The following SEC14L2 variants were observed in gnomAD, a reference collection of about 807,000 sequenced individuals.
SEC14L2 encodes SEC14-like protein 2.
In SEC14L2, 50 loss-of-function variants were observed where a neutral mutation model predicts 56.9. The observed-to-expected ratio is 0.88, with a 90% confidence interval of 0.70 to 1.11. The LOEUF (loss-of-function observed/expected upper bound fraction) is 1.11. SEC14L2 is among the 50% of genes most tolerant of loss of function. The probability of loss-of-function intolerance (pLI) is 0.00; values close to 1 mark genes in which losing one functional copy is unlikely to be tolerated. For missense variants in SEC14L2, 414 were observed against 500.7 expected (o/e 0.83, Z 1.65); for synonymous variants, 179 against 188.5 (o/e 0.95, Z 0.41).
rs1243220787 is a variant in SEC14L2 at position 30,409,270 on chromosome 22, G to A, written c.507G>A (p.Glu169=). Residue 169 remains glutamate, a synonymous_variant, in exon 6 of 12, where the codon GAG becomes GAA. Transcript: ENST00000615189. ...AGCATCTCTGGAAGCCTGCTGTGGAGGCCTATGGAGAGGTGAGGGGCAGGG... is the reference window on the plus strand; with the variant it reads ...AGCATCTCTGGAAGCCTGCTGTGGAAGCCTATGGAGAGGTGAGGGGCAGGG... ...GLKHLWKPAV[E]AYGEFLCMFE... 1 of 1,613,692 alleles carries A rather than the reference G, an allele frequency of 6.2e-7. No individual in the cohort carries two copies. Among genetic ancestry groups the A allele is most frequent in the East Asian group, 2.2e-5 (1 of 44,886 alleles).
chr22:30,410,574 C>T, intron 7 of SEC14L2, 22 bp from the exon 8 acceptor site: 2 of 1,610,628 alleles, frequency 1.2e-6, no homozygotes, highest in South Asian at 2.2e-5. Flanking sequence ...CCCAGCCTCA[C>T]ATTATCTGGT....
chr22:30,409,107 T>C (rs768913210), intron 5 of SEC14L2, 80 bp from the exon 6 acceptor site: 1 of 1,201,068 alleles, frequency 8.3e-7, no homozygotes, highest in Non-Finnish European at 1.2e-6. Flanking sequence ...GGATGCACAG[T>C]GCAATCATTT....
Position 30,410,564 on chromosome 22 carries a change from C to T in SEC14L2, c.581-32C>T, listed in dbSNP as rs760591919. 3 of 1,603,036 alleles carry T rather than the reference C, an allele frequency of 1.9e-6. No homozygotes were observed. The Admixed American group carries it at 5.0e-5, about 27-fold the overall frequency. On this transcript the variant is annotated intron_variant, in intron 7 of 11. Transcript: ENST00000615189. ...TGTTAGGGACAGACTGGGCACTGCT[C>T]CCAGCCTCACATTATCTGGTCTCTG...
chr22:30,410,925 C>T (rs1934230609), intron 8 of SEC14L2, among the ~76,000 whole-genome samples: 1 of 152,172 alleles, frequency 6.6e-6, no homozygotes, highest in Non-Finnish European at 1.5e-5. Flanking sequence ...AATGAGACTC[C>T]AGTCCTTGCC....
chr22:30,398,976 C>T (rs1030226112), intron 1 of SEC14L2, among the ~76,000 whole-genome samples: 1 of 152,180 alleles, frequency 6.6e-6, no homozygotes, highest in African/African-American at 2.4e-5. Flanking sequence ...CAGCGCTGAG[C>T]GACAGGAAAT....
intron 1 of SEC14L2, chr22:30,397,853 T>G (rs1409735284): frequency 4.2e-6 from 2 of 471,010 alleles, no homozygotes; most frequent in Non-Finnish European, 4.4e-6. Context: ...AGGTTTATGC[T>G]CCTCAGAAGG....
chr22:30,411,689 G>A (rs974578917), intron 8 of SEC14L2, among the ~76,000 whole-genome samples: 10 of 123,590 alleles, frequency 8.1e-5, no homozygotes, highest in African/African-American at 2.8e-4. Flanking sequence ...GAAGGTTGCA[G>A]TGAGCCGAGA....
At chr22:30,419,277 C>A (rs1026085474) in intron 11 of SEC14L2, among the ~76,000 whole-genome samples, 1 of 152,126 alleles carries the variant, frequency 6.6e-6, no homozygotes, top group East Asian at 1.9e-4. Flanking sequence ...GATGGCCGGG[C>A]GTGGTGGCTC....
At chr22:30,413,814 T>C (rs1485487099) in intron 8 of SEC14L2, among the ~76,000 whole-genome samples, 2 of 151,794 alleles carry the variant, frequency 1.3e-5, no homozygotes, top group Admixed American at 1.3e-4. Flanking sequence ...TTTTTTTTTT[T>C]CTTTTTTAAA....
In SEC14L2 at chr22:30,407,528, C is replaced by T. The variant is rs781407771; in HGVS notation, c.348C>T (p.Ser116=). ...CCAAGGGTCTGCTGTTCTCAGCCTCCAAACAGGACCTGCTGAGGACCAAGA... is the reference window on the plus strand; with the variant it reads ...CCAAGGGTCTGCTGTTCTCAGCCTCTAAACAGGACCTGCTGAGGACCAAGA... ...LDAKGLLFSA[S]KQDLLRTKMR... Residue 116 remains serine, a synonymous_variant, in exon 5 of 12, where the codon TCC becomes TCT. Transcript: ENST00000615189. 4.3e-6 allele frequency: 7 copies of T among 1,614,120 alleles called. No homozygotes were observed. Among genetic ancestry groups the T allele is most frequent in the Non-Finnish European group, 5.9e-6 (7 of 1,180,016 alleles).
intron 2 of SEC14L2, among the ~76,000 whole-genome samples, chr22:30,404,011 A>G (rs1381947596): frequency 2.0e-4 from 16 of 80,266 alleles, no homozygotes; most frequent in Admixed American, 8.4e-4. Context: ...CTCCGTCTCA[A>G]AAAAAAAAAA....
intron 2 of SEC14L2, among the ~76,000 whole-genome samples, chr22:30,400,990 A>G (rs1180187831): frequency 6.8e-6 from 1 of 147,614 alleles, no homozygotes; most frequent in Non-Finnish European, 1.5e-5. Flanking sequence ...GCTGGTCTCG[A>G]ACTCCTGGCC....
In SEC14L2 at chr22:30,423,393, T is replaced by C. The variant is rs1311805292; in HGVS notation, c.*986T>C. The C allele has an allele frequency of 1.3e-5, 2 of 152,700 alleles. No homozygotes were observed. 9.5% of individuals were successfully genotyped at this position (152,700 alleles called of 1,614,324 possible). On this transcript the variant is annotated 3_prime_UTR_variant, in exon 12 of 12. Coordinates refer to ENST00000615189, the MANE Select transcript of SEC14L2 (RefSeq NM_012429.5). The stretch of plus-strand genomic sequence containing the variant: ...CAAGGTCTTACTAAGCAGTCCCATC[T>C]CTGTGGGAGGCATGCAACGCGTGCA...
rs561793604 is a variant in SEC14L2, at chr22:30,397,114, A to G, written c.-3A>G. On this transcript the variant is annotated 5_prime_UTR_variant, in exon 1 of 12. Transcript: ENST00000615189. ...CAAACCCCATCCCCGCGGTTGAGCC[A>G]CGATGAGCGGCAGAGTCGGCGATCT... is the stretch of plus-strand genomic sequence containing the variant. 2.7e-5 allele frequency: 42 copies of G among 1,548,490 alleles called. 1 individual carries two copies. The East Asian group carries it at 5.2e-4, about 19-fold the overall frequency.
chr22:30,414,645 GT>G (rs1200538534), intron 8 of SEC14L2, among the ~76,000 whole-genome samples: 5 of 152,076 alleles, frequency 3.3e-5, no homozygotes, highest in African/African-American at 9.7e-5. Flanking sequence ...GCATAGGCAG[GT>G]TTTAGTATCA....
intron 8 of SEC14L2, among the ~76,000 whole-genome samples, chr22:30,413,154 C>T (rs1173689495): frequency 3.9e-5 from 6 of 152,108 alleles, no homozygotes; most frequent in Non-Finnish European, 5.9e-5. Flanking sequence ...AGACTGCCTA[C>T]GGAGGAACAG....
At chr22:30,400,116 C>G in intron 2 of SEC14L2, 1 of 178,454 alleles carries the variant, frequency 5.6e-6, no homozygotes, top group Non-Finnish European at 1.2e-5. Flanking sequence ...GAACCAGAGT[C>G]CTGGCCCCTG....
At position 30,424,679 on chromosome 22, in the gene SEC14L2, T is replaced by C; in HGVS notation, c.*2272T>C. On this transcript the variant is annotated 3_prime_UTR_variant, in exon 12 of 12. Transcript: ENST00000615189. ...TCATTTTTTTTGCAGACGTGGGAAC[T>C]GGGGCTCAGGGAGGCTAACAGCCAG... is the stretch of plus-strand genomic sequence containing the variant. The C allele has an allele frequency of 2.2e-6, 1 of 456,252 alleles. No individual in the cohort carries two copies. Among genetic ancestry groups the C allele is most frequent in the Admixed American group, 2.4e-5 (1 of 42,526 alleles). The allele number at this position is 456,252 out of a possible 1,614,324, so 28.3% of individuals were successfully genotyped here. A position where few individuals can be genotyped will look rare whatever the true frequency, so the allele number is the denominator to read the frequency against.
intron 1 of SEC14L2, 105 bp from the exon 2 acceptor site, chr22:30,399,535 AAAG>A (rs1219340344): frequency 5.2e-5 from 29 of 554,738 alleles, no homozygotes; most frequent in South Asian, 3.2e-4. Flanking sequence ...AAAAAAAAAA[AAAG>A]AAACAAAGAA....
Sources: allele counts gnomAD v4.1 joint callset (sites outside exome capture counted in the v4.1 genomes callset), GRCh38; gene constraint gnomAD v4.1.1; transcripts MANE v1.5; gene names NCBI Gene and HGNC (gene_info 2026-07-23, HGNC 2026-07-21).